OLFM1: variants seen among roughly 807,000 people sequenced by gnomAD.
OLFM1 encodes the protein noelin.
OLFM1 carries 9 observed loss-of-function variants against 49.7 expected under a neutral mutation model. The ratio of observed to expected loss-of-function variants is 0.18; its 90% confidence interval spans 0.11 to 0.32. The LOEUF (loss-of-function observed/expected upper bound fraction) is 0.32, where lower values mean the gene tolerates loss of function less well. OLFM1 is among the 10% of genes least tolerant of loss of function. The pLI is 1.00. For missense variants in OLFM1, 369 were observed against 661.8 expected (o/e 0.56, Z 4.85); for synonymous variants, 240 against 271.8 (o/e 0.88, Z 1.15).
intron 3 of OLFM1, among the ~76,000 whole-genome samples, chr9:135,096,569 C>A (rs1279899442): frequency 2.0e-5 from 3 of 152,268 alleles, no homozygotes; most frequent in African/African-American, 4.8e-5. Flanking sequence ...CACTCGCCCC[C>A]AAGCCCCCGT....
rs562156991 is a variant in OLFM1, at chr9:135,090,374, ATG to A, written c.300+40_300+41del. The A allele has an allele frequency of 6.6e-6, 9 of 1,355,704 alleles. No homozygotes were observed. The East Asian group carries it at 1.7e-4, about 25-fold the overall frequency. The allele number at this position is 1,355,704 out of a possible 1,614,324, so 84.0% of individuals were successfully genotyped here. A position where few individuals can be genotyped will look rare whatever the true frequency, so the allele number is the denominator to read the frequency against. On this transcript the variant is annotated intron_variant, in intron 2 of 5. Coordinates refer to ENST00000371793, the MANE Select transcript of OLFM1 (RefSeq NM_001282611.2). ...GTCTGCGCAGAGTGTGTGAGTTTGT[ATG>A]TGTGTGTGTTTGTGTGTGTGTGTGT... is the stretch of plus-strand genomic sequence containing the variant.
chr9:135,115,211 A>G (rs1831081372), intron 5 of OLFM1, among the ~76,000 whole-genome samples: 3 of 152,230 alleles, frequency 2.0e-5, no homozygotes, highest in Admixed American at 1.3e-4. Flanking sequence ...CAGGGGTGCC[A>G]TCTTCACCTT....
At position 135,106,767 on chromosome 9, in the gene OLFM1, G is replaced by A. The variant is rs982731091; in HGVS notation, c.695G>A (p.Gly232Asp). ...MQKLACGKLT[G>D]ISDPVTVKTS... The stretch of plus-strand genomic sequence containing the variant: ...TTTCCAGCTTGCGGGAAGTTGACGG[G>A]CATCAGTGACCCCGTGACTGTCAAG... Residue 232 changes from glycine to aspartate, a missense_variant, in exon 5 of 6, where the codon GGC (glycine) becomes GAC (aspartate). Gly to Asp is a moderately conservative substitution (Grantham distance 94). Coordinates refer to ENST00000371793, the MANE Select transcript of OLFM1 (RefSeq NM_001282611.2). 3.7e-6 allele frequency: 6 copies of A among 1,613,448 alleles called. No homozygotes were observed. The highest frequency in any genetic ancestry group is 8.5e-7 in the Non-Finnish European group (1 of 1,179,882).
At chr9:135,081,621 G>T (rs535836789) in intron 1 of OLFM1, among the ~76,000 whole-genome samples, 8 of 152,178 alleles carry the variant, frequency 5.3e-5, no homozygotes, top group Non-Finnish European at 1.2e-4. Context: ...TAGGGGTTAC[G>T]TAGGCAGCCC....
chr9:135,077,876 G>T (rs191178404), intron 1 of OLFM1, among the ~76,000 whole-genome samples: 1 of 152,196 alleles, frequency 6.6e-6, no homozygotes, highest in Non-Finnish European at 1.5e-5. Flanking sequence ...GTGAAATCAC[G>T]TCAACGTTTC....
intron 5 of OLFM1, among the ~76,000 whole-genome samples, chr9:135,111,414 G>A (rs892666373): frequency 1.3e-5 from 2 of 152,150 alleles, no homozygotes; most frequent in Admixed American, 6.5e-5. Flanking sequence ...GGACTGTAGC[G>A]CATGGCCCAT....
chr9:135,103,128 G>C (rs1044589828), intron 4 of OLFM1, among the ~76,000 whole-genome samples: 1 of 152,198 alleles, frequency 6.6e-6, no homozygotes, highest in Admixed American at 6.5e-5. Flanking sequence ...TCCTAGGAGA[G>C]AGAGCCCGTT....
At chr9:135,076,188 C>T (rs1386018617) in intron 1 of OLFM1, 7 of 1,550,344 alleles carry the variant, frequency 4.5e-6, no homozygotes, top group Non-Finnish European at 6.1e-6. Context: ...TCAGAGGTGG[C>T]GGGACCTTAG....
At chr9:135,087,462 T>G (rs1475925216), upstream of OLFM1, 10 of 1,532,338 alleles carry the variant, frequency 6.5e-6, no homozygotes, top group Middle Eastern at 3.4e-4. Context: ...GATCTGGGGG[T>G]GGTGGTGTGT....
At chr9:135,119,339 G>C (rs372700664) in intron 5 of OLFM1, among the ~76,000 whole-genome samples, 165 bp from the exon 6 acceptor site, 1 of 117,760 alleles carries the variant, frequency 8.5e-6, no homozygotes, top group African/African-American at 3.6e-5. Flanking sequence ...AAGTGCTCAC[G>C]GGGTCTTTGG....
At chr9:135,105,421 C>G (rs992786113) in intron 4 of OLFM1, among the ~76,000 whole-genome samples, 1 of 152,234 alleles carries the variant, frequency 6.6e-6, no homozygotes, top group Non-Finnish European at 1.5e-5. Context: ...GAATCGGAGA[C>G]GCCTCCATGC....
upstream of OLFM1, chr9:135,087,631 C>G (rs1830615893): frequency 1.7e-6 from 1 of 605,116 alleles, no homozygotes; most frequent in South Asian, 7.2e-5. Context: ...GCCCCGCCTC[C>G]CGGCCGCGGC....
chr9:135,078,542 A>C (rs996032045), intron 1 of OLFM1, among the ~76,000 whole-genome samples: 1 of 152,256 alleles, frequency 6.6e-6, no homozygotes, highest in African/African-American at 2.4e-5. Flanking sequence ...GGCCAGGTGA[A>C]CTTTGTCCTC....
At chr9:135,091,737 A>C (rs1410850635) in intron 2 of OLFM1, among the ~76,000 whole-genome samples, 1 of 146,682 alleles carries the variant, frequency 6.8e-6, no homozygotes, top group Non-Finnish European at 1.5e-5. Flanking sequence ...ATAGTCACAC[A>C]CACCCACACA....
At chr9:135,112,522 TG>T (rs1432678387) in intron 5 of OLFM1, among the ~76,000 whole-genome samples, 4 of 152,188 alleles carry the variant, frequency 2.6e-5, no homozygotes, top group African/African-American at 9.6e-5. Flanking sequence ...TGGCCCTTGA[TG>T]GAGCTTGGGG....
chr9:135,106,554 G>A, intron 4 of OLFM1, 195 bp from the exon 5 acceptor site: 1 of 583,978 alleles, frequency 1.7e-6, no homozygotes, highest in Non-Finnish European at 3.1e-6. Context: ...TTTTGGGGAG[G>A]AGGTGGCTTT....
chr9:135,103,687 G>T (rs1830900729), intron 4 of OLFM1, among the ~76,000 whole-genome samples: 1 of 152,156 alleles, frequency 6.6e-6, no homozygotes. Flanking sequence ...GGGATGAAGT[G>T]GGAGGGGTGA....
At position 135,119,960 on chromosome 9, in the gene OLFM1, G is replaced by C; in HGVS notation, c.1240G>C (p.Val414Leu). 6.2e-7 allele frequency: 1 copy of C among 1,613,650 alleles called. No homozygotes were observed. Among genetic ancestry groups the C allele is most frequent in the Non-Finnish European group, 8.5e-7 (1 of 1,180,034 alleles). Residue 414 changes from valine to leucine, a missense_variant, in exon 6 of 6, where the codon GTC (valine) becomes CTC (leucine). Physicochemically the swap from Val to Leu is conservative, Grantham distance 32. This residue lies in a region of OLFM1 where 294 missense variants were observed against 567.5 expected (regional missense o/e 0.52). Transcript: ENST00000371793. ...EAFIICGTLY[V>L]TNGYSGGTKV... ...CTTCATCATCTGCGGCACGCTGTAC[G>C]TCACCAACGGCTACTCAGGGGGTAC...
chr9:135,087,795 T>C lies in OLFM1; in HGVS notation c.-195T>C. ...GCAGAGGCCACCTGGCCACCTTCCC[T>C]GGCGCCCGGGGAAGGCGCGGCGATG... On this transcript the variant is annotated 5_prime_UTR_variant, in exon 1 of 6. Transcript: ENST00000371793. 1.4e-6 allele frequency: 1 copy of C among 691,196 alleles called. No homozygotes were observed. Among genetic ancestry groups the C allele is most frequent in the South Asian group, 6.1e-5 (1 of 16,362 alleles). 42.8% of individuals were successfully genotyped at this position (691,196 alleles called of 1,614,324 possible).
Sources: gnomAD v4.1 joint callset for allele counts (sites outside exome capture counted in the v4.1 genomes callset) on GRCh38, gnomAD v4.1.1 for gene constraint, gnomAD v4.1.1 regional missense constraint, MANE v1.5 for transcripts, NCBI Gene and HGNC (gene_info 2026-07-23, HGNC 2026-07-21) for gene names.